The following RBM6 variants were observed in gnomAD, a reference collection of about 807,000 sequenced individuals.
RBM6 encodes the protein RNA-binding protein 6.
Under a neutral mutation model 140.4 loss-of-function variants are expected in RBM6, and 23 were observed. The observed-to-expected ratio is 0.16, with a 90% CI of 0.12 to 0.23. RBM6 has a LOEUF of 0.23. Among genes scored for constraint, RBM6 ranks in the 10% least tolerant of loss-of-function variants. The pLI is 1.00. For synonymous variants in RBM6, 439 were observed against 475.6 expected (o/e 0.92, Z 1.00); for missense variants, 1,139 against 1,386.7 (o/e 0.82, Z 2.84).
Position 50,037,479 on chromosome 3 carries a change from C to G in RBM6, c.1558-10766C>G, listed in dbSNP as rs570191173. Among the ~76,000 whole-genome samples the G allele has an allele frequency of 5.9e-5, 9 of 152,168 alleles. No homozygotes were observed. In the South Asian group the frequency reaches 1.2e-3, roughly 21 times the overall value. On this transcript the variant is annotated intron_variant, in intron 6 of 20. Coordinates refer to ENST00000266022, the MANE Select transcript of RBM6 (RefSeq NM_005777.3). The stretch of plus-strand genomic sequence containing the variant: ...GTATGTATTCAGAAGTCCAGAGGCT[C>G]TGTATTTTATTAATATTTTCAAGGC...
At chr3:49,946,833 C>A (rs190972290) in intron 1 of RBM6, among the ~76,000 whole-genome samples, 2 of 151,172 alleles carry the variant, frequency 1.3e-5, no homozygotes, top group Admixed American at 1.3e-4. Context: ...TCTCACCCGG[C>A]CTATTTTCTG....
intron 1 of RBM6, among the ~76,000 whole-genome samples, chr3:49,960,825 G>A (rs779236796): frequency 4.6e-5 from 7 of 151,902 alleles, no homozygotes; most frequent in Non-Finnish European, 8.8e-5. Flanking sequence ...GCTAGTGAGC[G>A]CTAGAAAAAT....
intron 7 of RBM6, among the ~76,000 whole-genome samples, chr3:50,051,544 G>C (rs2089465840): frequency 6.6e-6 from 1 of 152,240 alleles, no homozygotes; most frequent in African/African-American, 2.4e-5. Flanking sequence ...GGGAGGCCGA[G>C]GCAGGAGAAT....
chr3:50,041,920 C>G (rs1033494112), intron 6 of RBM6, among the ~76,000 whole-genome samples: 8 of 152,268 alleles, frequency 5.3e-5, no homozygotes, highest in Admixed American at 3.9e-4. Context: ...GACTGACTCT[C>G]TGGAATTTAA....
At position 49,994,669 on chromosome 3, in the gene RBM6, G is replaced by GGTGTGTGTGTGTGTGTGTGTGTGTGT. The variant is rs59949998; in HGVS notation, c.1484-4770_1484-4745dup. Among the ~76,000 whole-genome samples the GGTGTGTGTGTGTGTGTGTGTGTGTGT allele has an allele frequency of 5.5e-4, 81 of 148,264 alleles. 1 individual carries two copies. Among genetic ancestry groups the GGTGTGTGTGTGTGTGTGTGTGTGTGT allele is most frequent in the African/African-American group, 1.9e-3 (78 of 40,110 alleles). ...TTTTGTTTGGAGAAAAAGGCTGTGGGGTGTGTGTGTGTGTGTGTGTGTGTG... is the reference window on the plus strand; with the variant it reads ...TTTTGTTTGGAGAAAAAGGCTGTGGGGTGTGTGTGTGTGTGTGTGTGTGTGTGTGTGTGTGTGTGTGTGTGTGTGTG... On this transcript the variant is annotated intron_variant, in intron 5 of 20. Transcript: ENST00000266022.
chr3:50,016,365 G>T (rs1333046946), intron 6 of RBM6, among the ~76,000 whole-genome samples: 2 of 152,106 alleles, frequency 1.3e-5, no homozygotes, highest in African/African-American at 2.4e-5. Flanking sequence ...ATGGATGAAT[G>T]GATATCATGG....
intron 5 of RBM6, among the ~76,000 whole-genome samples, chr3:49,983,852 C>T (rs1575609019): frequency 6.6e-6 from 1 of 152,102 alleles, no homozygotes; most frequent in African/African-American, 2.4e-5. Context: ...CTTGTGGAGG[C>T]AGTGGATGGA....
At chr3:50,028,280 T>C (rs1361970172) in intron 6 of RBM6, among the ~76,000 whole-genome samples, 1 of 152,196 alleles carries the variant, frequency 6.6e-6, no homozygotes, top group Non-Finnish European at 1.5e-5. Context: ...AGTGCTCATA[T>C]GGTCTAGTTC....
intron 6 of RBM6, among the ~76,000 whole-genome samples, chr3:50,022,608 G>A (rs1311662742): frequency 6.6e-6 from 1 of 152,138 alleles, no homozygotes; most frequent in Non-Finnish European, 1.5e-5. Flanking sequence ...GGGATTACAG[G>A]CGTGAGCCAC....
At chr3:49,959,188 CTT>C (rs35892482) in intron 1 of RBM6, among the ~76,000 whole-genome samples, 18 of 124,886 alleles carry the variant, frequency 1.4e-4, no homozygotes, top group Non-Finnish European at 1.9e-4. Context: ...GATTTTTTTC[CTT>C]TTTTTTTTTT....
rs749511045 is a variant in RBM6, at chr3:49,999,490, A to G, written c.1534A>G (p.Ile512Val). Residue 512 changes from isoleucine to valine, a missense_variant, in exon 6 of 21, where the codon ATC becomes GTC. Transcript: ENST00000266022. ...CVEFSLLEDA[I>V]GCMEANQGTL... ...GGAGTTTTCACTCTTGGAAGATGCC[A>G]TCGGATGCATGGAGGCCAACCAGGT... is the stretch of plus-strand genomic sequence containing the variant. 1.2e-6 allele frequency: 2 copies of G among 1,613,844 alleles called. No homozygotes were observed. Among genetic ancestry groups the G allele is most frequent in the Admixed American group, 1.7e-5 (1 of 59,990 alleles).
chr3:49,974,878 G>T (rs1192793695), intron 4 of RBM6, among the ~76,000 whole-genome samples: 6 of 151,324 alleles, frequency 4.0e-5, no homozygotes, highest in African/African-American at 1.5e-4. Flanking sequence ...GTAGAAATGG[G>T]GTTTCACCAT....
chr3:50,013,091 T>C (rs981657585), intron 6 of RBM6, among the ~76,000 whole-genome samples: 21 of 152,192 alleles, frequency 1.4e-4, no homozygotes, highest in African/African-American at 5.1e-4. Flanking sequence ...TGAATAGTTA[T>C]GATCTATTCT....
intron 6 of RBM6, among the ~76,000 whole-genome samples, chr3:50,018,751 A>G (rs1312584024): frequency 2.6e-5 from 4 of 151,534 alleles, no homozygotes; most frequent in South Asian, 2.1e-4. Context: ...GACCATGCCC[A>G]GCTAATTTTT....
At chr3:49,973,760 A>AT (rs958097099) in intron 4 of RBM6, among the ~76,000 whole-genome samples, 4 of 149,996 alleles carry the variant, frequency 2.7e-5, no homozygotes, top group African/African-American at 7.4e-5. Flanking sequence ...TGATTTTTGT[A>AT]TTTTTAGTAG....
intron 6 of RBM6, among the ~76,000 whole-genome samples, chr3:50,011,910 G>A (rs952542960): frequency 2.0e-5 from 3 of 149,268 alleles, no homozygotes; most frequent in African/African-American, 4.9e-5. Flanking sequence ...TGAGTGCAGT[G>A]GCATGACCAT....
intron 6 of RBM6, among the ~76,000 whole-genome samples, chr3:50,037,278 A>G (rs1283713923): frequency 6.6e-6 from 1 of 152,038 alleles, no homozygotes; most frequent in East Asian, 1.9e-4. Context: ...ACATGCACGT[A>G]TTGTCCCAGC....
intron 15 of RBM6, among the ~76,000 whole-genome samples, chr3:50,064,240 C>T (rs1317008520): frequency 6.6e-6 from 1 of 151,928 alleles, no homozygotes; most frequent in African/African-American, 2.4e-5. Flanking sequence ...CTTTTTTTCC[C>T]CTTCTAACAC....
Position 49,999,364 on chromosome 3 carries a change from CAG to C in RBM6, c.1484-75_1484-74del, listed in dbSNP as rs969792201. ...GGCTTGTGTTTAAGGGGTTCAGAAA[CAG>C]GGGATTTAAGTGTGTCTTTTGTGTT... On this transcript the variant is annotated intron_variant, in intron 5 of 20. Coordinates refer to ENST00000266022, the MANE Select transcript of RBM6 (RefSeq NM_005777.3). The C allele has an allele frequency of 2.8e-5, 36 of 1,290,386 alleles. No homozygotes were observed. The African/African-American group carries it at 3.4e-4, about 12-fold the overall frequency. The allele number at this position is 1,290,386 out of a possible 1,614,324, so 79.9% of individuals were successfully genotyped here.
Sources: gnomAD v4.1 joint callset for allele counts (sites outside exome capture counted in the v4.1 genomes callset) on GRCh38, gnomAD v4.1.1 for gene constraint, MANE v1.5 for transcripts, NCBI Gene and HGNC (gene_info 2026-07-23, HGNC 2026-07-21) for gene names.